The following NLK variants were observed in gnomAD, a reference collection of about 807,000 sequenced individuals.
The protein encoded by NLK is serine/threonine-protein kinase NLK.
A neutral mutation model predicts 59.0 loss-of-function variants in NLK; 11 were observed. The observed-to-expected ratio is 0.19, with a 90% CI of 0.12 to 0.31. The LOEUF is 0.31. NLK is among the 10% of genes least tolerant of loss of function. NLK has a pLI of 1.00. For synonymous variants in NLK, 235 were observed against 235.9 expected, an observed-to-expected ratio of 1.00 and a Z score of 0.03; for missense variants, 410 against 661.1, an observed-to-expected ratio of 0.62 and a Z score of 4.16.
intron 3 of NLK, among the ~76,000 whole-genome samples, chr17:28,136,854 G>C (rs1327250324): frequency 6.7e-6 from 1 of 149,866 alleles, no homozygotes; most frequent in Non-Finnish European, 1.5e-5. Context: ...CTGCCGCTTT[G>C]TTGGCCTCCC....
chr17:28,044,870 A>G (rs1471671825), intron 1 of NLK, among the ~76,000 whole-genome samples: 1 of 152,236 alleles, frequency 6.6e-6, no homozygotes. Context: ...TTAGTGCCTT[A>G]CATACAATGC....
chr17:28,061,853 AT>A (rs995896808), intron 1 of NLK: 1 of 146,066 alleles, frequency 6.8e-6, no homozygotes, highest in Admixed American at 7.0e-5. Context: ...TATATAATAT[AT>A]AATATATACA....
chr17:28,074,495 G>T (rs562408645), intron 1 of NLK, among the ~76,000 whole-genome samples: 1 of 152,234 alleles, frequency 6.6e-6, no homozygotes, highest in African/African-American at 2.4e-5. Flanking sequence ...TGATTACTTT[G>T]TGTGTGTTGG....
In NLK at chr17:28,044,497, A is replaced by T. The variant is rs886433228; in HGVS notation, c.458+1166A>T. Among the ~76,000 whole-genome samples the T allele has an allele frequency of 8.5e-5, 13 of 152,254 alleles. No individual in the cohort carries two copies. The East Asian group carries it at 2.3e-3, about 27-fold the overall frequency. ...TGCTAAGTGATCTCATCCATTTTTT[A>T]AAAAAACTAGTAGAGTCCAGTGTTT... On this transcript the variant is annotated intron_variant, in intron 1 of 10. Transcript: ENST00000407008.
At chr17:28,150,912 T>G (rs2142038544) in intron 3 of NLK, among the ~76,000 whole-genome samples, 1 of 152,284 alleles carries the variant, frequency 6.6e-6, no homozygotes, top group Non-Finnish European at 1.5e-5. Flanking sequence ...GTCCTATAGT[T>G]TATCTTCATC....
intron 1 of NLK, chr17:28,116,533 A>G (rs1048066403): frequency 1.3e-5 from 2 of 152,218 alleles, no homozygotes; most frequent in African/African-American, 4.8e-5. Context: ...GTAATTATTA[A>G]AATATTAGCT....
intron 3 of NLK, among the ~76,000 whole-genome samples, chr17:28,146,768 ACTTTAT>A (rs1318607352): frequency 3.3e-5 from 5 of 151,730 alleles, no homozygotes; most frequent in Non-Finnish European, 7.4e-5. Context: ...TTTGAAGTTT[ACTTTAT>A]CTTTTGAAGG....
chr17:28,115,047 G>C (rs1905702597), intron 1 of NLK, among the ~76,000 whole-genome samples: 1 of 152,160 alleles, frequency 6.6e-6, no homozygotes, highest in African/African-American at 2.4e-5. Flanking sequence ...GAGGATACTG[G>C]CTCACTTGTG....
intron 1 of NLK, among the ~76,000 whole-genome samples, chr17:28,081,801 G>T (rs1256055688): frequency 6.6e-6 from 1 of 152,224 alleles, no homozygotes; most frequent in Non-Finnish European, 1.5e-5. Flanking sequence ...AGGAGCATGT[G>T]TTAGGAATGC....
intron 8 of NLK, among the ~76,000 whole-genome samples, chr17:28,190,330 C>A (rs536584446): frequency 6.6e-6 from 1 of 152,242 alleles, no homozygotes; most frequent in Non-Finnish European, 1.5e-5. Flanking sequence ...TCTAAAGTGA[C>A]AGAAAATGAC....
chr17:28,198,700 C>T (rs1909546845), downstream of NLK, among the ~76,000 whole-genome samples: 1 of 152,164 alleles, frequency 6.6e-6, no homozygotes, highest in Non-Finnish European at 1.5e-5. Context: ...TATTCTCCCA[C>T]TTGAAAGACG....
intron 10 of NLK, among the ~76,000 whole-genome samples, chr17:28,194,272 A>G (rs1309453101): frequency 6.6e-6 from 1 of 152,222 alleles, no homozygotes; most frequent in Non-Finnish European, 1.5e-5. Flanking sequence ...TCATCCCAGT[A>G]TCCTATGAGG....
intron 1 of NLK, among the ~76,000 whole-genome samples, chr17:28,044,761 G>A (rs951690728): frequency 1.3e-5 from 2 of 152,190 alleles, no homozygotes; most frequent in Admixed American, 6.5e-5. Flanking sequence ...GGAACAGACA[G>A]GAAAACGGTT....
At position 28,146,382 on chromosome 17, in the gene NLK, T is replaced by TTGATGA. The variant is rs10633971; in HGVS notation, c.644+13726_644+13731dup. On this transcript the variant is annotated intron_variant, in intron 3 of 10. Transcript: ENST00000407008. ...TCCCCTCCTCCCTCATATAACGATG[T>TTGATGA]TGATGATGATGATGATGATGATGAC... is the stretch of plus-strand genomic sequence containing the variant. 3.4e-3 allele frequency among the ~76,000 whole-genome samples: 514 copies of TTGATGA among 150,582 alleles called. 2 individuals are homozygous for TTGATGA. The highest frequency in any genetic ancestry group is 5.8e-3 in the Admixed American group (87 of 15,100).
chr17:28,203,349 T>A, the NLK span, among the ~76,000 whole-genome samples: 1 of 151,880 alleles, frequency 6.6e-6, no homozygotes, highest in African/African-American at 2.4e-5. Flanking sequence ...TTCCTCAAAG[T>A]TTTGGGTGTC....
At chr17:28,157,090 C>T (rs1259054985) in intron 3 of NLK, among the ~76,000 whole-genome samples, 2 of 152,122 alleles carry the variant, frequency 1.3e-5, no homozygotes, top group African/African-American at 2.4e-5. Flanking sequence ...GATCAGGGCT[C>T]ACTGCAACCC....
In NLK at chr17:28,106,624, A is replaced by T. The variant is rs34465848; in HGVS notation, c.459-15979A>T. On this transcript the variant is annotated intron_variant, in intron 1 of 10. Transcript: ENST00000407008. Reference sequence around the variant, plus strand: ...GGCCTGAGCACTTTGTTTTAAATGCACAGATTTGAATACACACCATTTCGT... The same window carrying T: ...GGCCTGAGCACTTTGTTTTAAATGCTCAGATTTGAATACACACCATTTCGT... Among the ~76,000 whole-genome samples the T allele has an allele frequency of 6.6e-3, 999 of 152,364 alleles. 16 individuals are homozygous for T. The highest frequency in any genetic ancestry group is 0.022 in the African/African-American group (930 of 41,590).
chr17:28,167,400 C>CTTT (rs558589473), intron 5 of NLK, among the ~76,000 whole-genome samples: 1 of 142,760 alleles, frequency 7.0e-6, no homozygotes, highest in Non-Finnish European at 1.5e-5. Context: ...CCACGCCCAG[C>CTTT]TTTTTTTTTT....
At chr17:28,126,577 G>A (rs1264205782) in intron 2 of NLK, among the ~76,000 whole-genome samples, 2 of 152,134 alleles carry the variant, frequency 1.3e-5, no homozygotes, top group African/African-American at 4.8e-5. Context: ...GGCTTTTTAT[G>A]TGTCAAAGAA....
Sources: allele counts gnomAD v4.1 joint callset (sites outside exome capture counted in the v4.1 genomes callset), GRCh38; gene constraint gnomAD v4.1.1; transcripts MANE v1.5; gene names NCBI Gene and HGNC (gene_info 2026-07-23, HGNC 2026-07-21).